Variants in EPB41 observed in about 807,000 individuals in gnomAD.
The protein encoded by EPB41 is erythrocyte membrane protein band 4.1, also known as protein 4.1.
Under a neutral mutation model 108.0 loss-of-function variants are expected in EPB41, and 65 were observed. The ratio of observed to expected loss-of-function variants is 0.60; its 90% CI spans 0.49 to 0.74. The LOEUF (loss-of-function observed/expected upper bound fraction) is 0.74, where lower values mean the gene tolerates loss of function less well. Ranked by LOEUF, EPB41 falls within the 30% of genes least tolerant of loss-of-function variation. EPB41 has a pLI of 0.00. For missense variants in EPB41, 875 were observed against 1,037.0 expected, an observed-to-expected ratio of 0.84 and a Z score of 2.15; for synonymous variants, 336 against 358.9, an observed-to-expected ratio of 0.94 and a Z score of 0.72.
intron 16 of EPB41, chr1:29,065,522 C>T (rs1647197745): frequency 5.9e-6 from 1 of 170,052 alleles, no homozygotes; most frequent in Non-Finnish European, 1.2e-5. Flanking sequence ...TTAGGAAGGT[C>T]AAAATAGGAA....
intron 4 of EPB41, 85 bp downstream of exon 4, chr1:28,997,404 C>T: frequency 2.4e-6 from 2 of 828,436 alleles, no homozygotes; most frequent in Non-Finnish European, 4.2e-6. Context: ...ATACCTGCTT[C>T]TCTAAGCCAG....
intron 1 of EPB41, chr1:28,902,355 T>C (rs1276881556): frequency 1.0e-6 from 1 of 985,248 alleles, no homozygotes; most frequent in African/African-American, 1.7e-5. Context: ...GCTGTTTGGC[T>C]GTTGGGTCCG....
chr1:29,117,025 T>G lies in EPB41; in HGVS notation c.*213T>G, dbSNP rs1323272725. On this transcript the variant is annotated 3_prime_UTR_variant, in exon 21 of 21. Coordinates refer to ENST00000343067, the MANE Select transcript of EPB41 (RefSeq NM_001376013.1). ...TTGAAGAGCTTTTTCTATATTAGGA[T>G]ATCAGAATTGTTCAACTTTTCACTC... 6.6e-6 allele frequency: 1 copy of G among 152,280 alleles called. No homozygotes were observed. Among genetic ancestry groups the G allele is most frequent in the Non-Finnish European group, 1.5e-5 (1 of 68,054 alleles). The allele number at this position is 152,280 out of a possible 1,614,324, so 9.4% of individuals were successfully genotyped here. A position where few individuals can be genotyped will look rare whatever the true frequency, so the allele number is the denominator to read the frequency against.
intron 1 of EPB41, among the ~76,000 whole-genome samples, chr1:28,965,642 T>G (rs986570335): frequency 5.9e-5 from 9 of 152,016 alleles, no homozygotes; most frequent in Non-Finnish European, 1.3e-4. Flanking sequence ...TGGGAATGGG[T>G]AGGACTGCCT....
At chr1:28,983,887 T>C (rs1360492457) in intron 1 of EPB41, among the ~76,000 whole-genome samples, 2 of 152,122 alleles carry the variant, frequency 1.3e-5, no homozygotes, top group Non-Finnish European at 2.9e-5. Context: ...GACAGCCTTT[T>C]GTATCTGCAC....
At chr1:28,931,467 T>C (rs184852744) in intron 1 of EPB41, among the ~76,000 whole-genome samples, 19 of 151,958 alleles carry the variant, frequency 1.3e-4, no homozygotes, top group Non-Finnish European at 2.8e-4. Flanking sequence ...GGTGTCATAG[T>C]TCATTTTTTT....
chr1:28,959,834 T>C (rs1440426038), intron 1 of EPB41, among the ~76,000 whole-genome samples: 5 of 151,700 alleles, frequency 3.3e-5, no homozygotes, highest in Non-Finnish European at 7.4e-5. Context: ...TTAGTTTTCT[T>C]TTCTTTTTTT....
intron 1 of EPB41, among the ~76,000 whole-genome samples, chr1:28,971,466 T>G (rs2149308865): frequency 6.6e-6 from 1 of 152,306 alleles, no homozygotes; most frequent in Non-Finnish European, 1.5e-5. Flanking sequence ...ATTACAGGCA[T>G]GAGCCACCGC....
At chr1:29,074,794 A>AT (rs1653143302) in intron 16 of EPB41, among the ~76,000 whole-genome samples, 3 of 152,250 alleles carry the variant, frequency 2.0e-5, no homozygotes, top group Non-Finnish European at 2.9e-5. Context: ...TAAAAGCCAA[A>AT]TAACTTGAAT....
chr1:29,092,156 G>A (rs1031045639), intron 16 of EPB41, among the ~76,000 whole-genome samples: 1 of 136,766 alleles, frequency 7.3e-6, no homozygotes, highest in African/African-American at 2.7e-5. Flanking sequence ...GGAGTGCAAT[G>A]GCATGATCTT....
chr1:28,957,524 T>A (rs545999371), intron 1 of EPB41, among the ~76,000 whole-genome samples: 1 of 152,184 alleles, frequency 6.6e-6, no homozygotes, highest in Non-Finnish European at 1.5e-5. Context: ...CCTGTCTCAG[T>A]CTCCCTAGTA....
chr1:28,940,639 G>A (rs566915973), intron 1 of EPB41, among the ~76,000 whole-genome samples: 1 of 152,188 alleles, frequency 6.6e-6, no homozygotes, highest in South Asian at 2.1e-4. Flanking sequence ...GCGACAGAGC[G>A]AGACTCTGTG....
intron 17 of EPB41, among the ~76,000 whole-genome samples, chr1:29,102,227 G>A (rs536376351): frequency 2.6e-5 from 4 of 152,272 alleles, no homozygotes; most frequent in Admixed American, 2.0e-4. Context: ...ATACATTATG[G>A]TACATCCAAT....
intron 17 of EPB41, among the ~76,000 whole-genome samples, chr1:29,108,543 ATTTAT>A (rs1213461342): frequency 1.3e-5 from 2 of 151,546 alleles, no homozygotes; most frequent in African/African-American, 4.8e-5. Context: ...TGCCCAGGGA[ATTTAT>A]TTTATTTTAT....
chr1:29,083,517 C>G (rs1046240052), intron 16 of EPB41, among the ~76,000 whole-genome samples: 1 of 152,108 alleles, frequency 6.6e-6, no homozygotes, highest in African/African-American at 2.4e-5. Flanking sequence ...AGAATGGGCT[C>G]CTACTGCTTG....
intron 1 of EPB41, among the ~76,000 whole-genome samples, chr1:28,938,644 C>T (rs940404161): frequency 6.6e-6 from 1 of 151,926 alleles, no homozygotes; most frequent in Non-Finnish European, 1.5e-5. Context: ...GCAAACCTCC[C>T]ACCTCAGCCT....
intron 1 of EPB41, among the ~76,000 whole-genome samples, chr1:28,957,883 C>T (rs35013556): frequency 0.31 from 47,356 of 152,098 alleles, 8,980 homozygotes; most frequent in Non-Finnish European, 0.41. Context: ...TTACTTTCTA[C>T]TTAGTTGAAA....
At chr1:29,091,961 T>C (rs937453140) in intron 16 of EPB41, among the ~76,000 whole-genome samples, 3 of 152,128 alleles carry the variant, frequency 2.0e-5, no homozygotes, top group Non-Finnish European at 2.9e-5. Flanking sequence ...TTCATCACAA[T>C]GGAGGCTGGT....
chr1:28,891,810 C>T (rs1028256299), intron 1 of EPB41, among the ~76,000 whole-genome samples: 5 of 152,060 alleles, frequency 3.3e-5, no homozygotes, highest in Admixed American at 2.6e-4. Flanking sequence ...CACCACCGGC[C>T]GGGCATGGTG....
Sources: gnomAD v4.1 joint callset for allele counts (sites outside exome capture counted in the v4.1 genomes callset) on GRCh38, gnomAD v4.1.1 for gene constraint, MANE v1.5 for transcripts, NCBI Gene and HGNC (gene_info 2026-07-23, HGNC 2026-07-21) for gene names.